The following PIGL variants were observed in gnomAD, a reference collection of about 807,000 sequenced individuals.
PIGL encodes N-acetylglucosaminyl-phosphatidylinositol de-N-acetylase.
PIGL carries 22 observed loss-of-function variants against 31.1 expected under a neutral mutation model. The ratio of observed to expected loss-of-function variants is 0.71; its 90% CI spans 0.51 to 1.01. The LOEUF is 1.01. Ranked by LOEUF, PIGL falls within the 50% of genes least tolerant of loss-of-function variation. The pLI, the probability that PIGL is intolerant of heterozygous loss-of-function variation, is 0.00. For synonymous variants in PIGL, 131 were observed against 117.4 expected (o/e 1.12, Z -0.75); for missense variants, 302 against 315.9 (o/e 0.96, Z 0.33).
At chr17:16,238,198 A>G (rs890610767) in intron 2 of PIGL, among the ~76,000 whole-genome samples, 1 of 150,546 alleles carries the variant, frequency 6.6e-6, no homozygotes, top group Non-Finnish European at 1.5e-5. Context: ...TCCGTCTCAA[A>G]AAAAAAAAAA....
chr17:16,312,157 C>T (rs998059832), intron 3 of PIGL, among the ~76,000 whole-genome samples: 10 of 149,520 alleles, frequency 6.7e-5, no homozygotes, highest in Non-Finnish European at 1.5e-4. Flanking sequence ...CCACCTCCCT[C>T]CCGGACGGGG....
Position 16,294,783 on chromosome 17 carries a change from C to T in PIGL, c.336-5105C>T, listed in dbSNP as rs184460689. Among the ~76,000 whole-genome samples, 6 of 152,282 alleles carry T rather than the reference C, an allele frequency of 3.9e-5. 1 individual carries two copies. Among genetic ancestry groups the T allele is most frequent in the African/African-American group, 1.4e-4 (6 of 41,552 alleles). ...GCAGAGGGAAGAACCAGGTATTTCC[C>T]CCATCCTCCACCCTAAGTGGCATGT... On this transcript the variant is annotated intron_variant, in intron 2 of 6. Transcript: ENST00000225609.
At chr17:16,280,912 C>A (rs895319277) in intron 2 of PIGL, among the ~76,000 whole-genome samples, 2 of 152,076 alleles carry the variant, frequency 1.3e-5, no homozygotes, top group African/African-American at 4.8e-5. Flanking sequence ...ACTATCTTGG[C>A]CAGGCTGGTC....
chr17:16,238,443 T>C (rs1476011766), intron 2 of PIGL, among the ~76,000 whole-genome samples: 3 of 147,762 alleles, frequency 2.0e-5, no homozygotes, highest in Non-Finnish European at 3.0e-5. Context: ...TTTTCTTTTT[T>C]TTTTTTTTTT....
intron 1 of PIGL, among the ~76,000 whole-genome samples, chr17:16,229,918 G>A (rs1435741078): frequency 7.4e-6 from 1 of 134,370 alleles, no homozygotes; most frequent in Non-Finnish European, 1.5e-5. Context: ...CTGGAGTGCA[G>A]TGGCACGATC....
chr17:16,217,926 C>A (rs2092602057), intron 1 of PIGL: 1 of 152,664 alleles, frequency 6.6e-6, no homozygotes, highest in Non-Finnish European at 1.5e-5. Context: ...TAGTAACATG[C>A]ATGTGTCAAA....
intron 4 of PIGL, among the ~76,000 whole-genome samples, chr17:16,315,684 TTTTC>T (rs1295279206): frequency 0.022 from 2,680 of 120,152 alleles, 316 homozygotes; most frequent in Middle Eastern, 0.068. Context: ...CAGTCTTTTC[TTTTC>T]TTTCTTTCTT....
chr17:16,270,654 T>C (rs1402605035), intron 2 of PIGL, among the ~76,000 whole-genome samples: 1 of 152,082 alleles, frequency 6.6e-6, no homozygotes, highest in Admixed American at 6.5e-5. Flanking sequence ...CCCAGCACTT[T>C]AGGAGATTGA....
At chr17:16,232,471 T>C (rs544109338) in intron 1 of PIGL, among the ~76,000 whole-genome samples, 1 of 152,294 alleles carries the variant, frequency 6.6e-6, no homozygotes, top group African/African-American at 2.4e-5. Flanking sequence ...ACCAAACTTA[T>C]TGAAAATAGT....
intron 1 of PIGL, among the ~76,000 whole-genome samples, chr17:16,230,642 G>A (rs192688483): frequency 2.9e-4 from 43 of 147,830 alleles, no homozygotes; most frequent in Admixed American, 1.0e-3. Context: ...TTTTTGAGAT[G>A]GAGTCTCACT....
intron 2 of PIGL, among the ~76,000 whole-genome samples, chr17:16,279,396 T>C (rs1202171016): frequency 1.3e-5 from 2 of 152,244 alleles, no homozygotes; most frequent in Non-Finnish European, 2.9e-5. Context: ...ATTAGACTTG[T>C]TGGCATCAAA....
rs139008060 is a variant in PIGL at position 16,263,668 on chromosome 17, G to A, written c.335+29598G>A. On this transcript the variant is annotated intron_variant, in intron 2 of 6. Transcript: ENST00000225609. ...CCTCCCAAGTAGCTGGGACTACAGT[G>A]TGCACCACCACGCCCAGCTAATTTT... Among the ~76,000 whole-genome samples the A allele has an allele frequency of 5.6e-3, 842 of 149,860 alleles. 13 individuals are homozygous for A. Among genetic ancestry groups the A allele is most frequent in the African/African-American group, 0.019 (777 of 40,738 alleles).
chr17:16,222,050 AT>A (rs1459966803), intron 1 of PIGL, among the ~76,000 whole-genome samples: 1 of 152,146 alleles, frequency 6.6e-6, no homozygotes, highest in African/African-American at 2.4e-5. Flanking sequence ...TCCTGGTCTA[AT>A]TTTTAAAATC....
intron 2 of PIGL, among the ~76,000 whole-genome samples, chr17:16,240,572 G>A (rs997464263): frequency 4.0e-5 from 6 of 151,852 alleles, no homozygotes; most frequent in African/African-American, 9.7e-5. Flanking sequence ...ACACAATCAC[G>A]GCTCACTGCA....
At chr17:16,268,890 G>A (rs2092857509) in intron 2 of PIGL, among the ~76,000 whole-genome samples, 2 of 152,004 alleles carry the variant, frequency 1.3e-5, no homozygotes, top group Non-Finnish European at 1.5e-5. Flanking sequence ...AGCCTCCTGA[G>A]TAGCTGGGAC....
chr17:16,246,384 C>T (rs1219617146), intron 2 of PIGL, among the ~76,000 whole-genome samples: 1 of 151,298 alleles, frequency 6.6e-6, no homozygotes, highest in Non-Finnish European at 1.5e-5. Flanking sequence ...TGGTGGTGCA[C>T]ACCTGTAGTC....
At chr17:16,237,103 T>C (rs1241210603) in intron 2 of PIGL, among the ~76,000 whole-genome samples, 2 of 47,884 alleles carry the variant, frequency 4.2e-5, no homozygotes, top group Non-Finnish European at 1.2e-4. Flanking sequence ...ACACCTGGCT[T>C]TTTTTTTTTT....
chr17:16,307,788 A>G (rs1030371975), intron 3 of PIGL, among the ~76,000 whole-genome samples: 15 of 151,852 alleles, frequency 9.9e-5, no homozygotes, highest in African/African-American at 2.9e-4. Flanking sequence ...GCAACATGAC[A>G]AGACCTTGTC....
chr17:16,322,175 C>A (rs1248328524), intron 6 of PIGL, among the ~76,000 whole-genome samples: 1 of 152,064 alleles, frequency 6.6e-6, no homozygotes, highest in Non-Finnish European at 1.5e-5. Context: ...CTCACCACAA[C>A]CTCCACCTCC....
Sources: allele counts gnomAD v4.1 joint callset (sites outside exome capture counted in the v4.1 genomes callset), GRCh38; gene constraint gnomAD v4.1.1; transcripts MANE v1.5; gene names NCBI Gene and HGNC (gene_info 2026-07-23, HGNC 2026-07-21).